Variants in KLF8 observed in about 807,000 individuals in gnomAD.
KLF8 encodes Krueppel-like factor 8.
In KLF8, 10 loss-of-function variants were observed where a neutral mutation model predicts 18.2. The ratio of observed to expected loss-of-function variants is 0.55; its 90% CI spans 0.34 to 0.93. The LOEUF (loss-of-function observed/expected upper bound fraction) is 0.93, where lower values mean the gene tolerates loss of function less well. Ranked by LOEUF, KLF8 falls within the 40% of genes least tolerant of loss-of-function variation. The pLI is 0.02. For synonymous variants in KLF8, 109 were observed against 97.3 expected, an observed-to-expected ratio of 1.12 and a Z score of -0.71; for missense variants, 264 against 277.9, an observed-to-expected ratio of 0.95 and a Z score of 0.36.
chrX:56,167,234 G>T, the KLF8 span, among the ~76,000 whole-genome samples: 1 of 111,387 alleles, frequency 9.0e-6, no homozygotes. Flanking sequence ...GGGTTCAAGC[G>T]ATTCTCCTGC....
the KLF8 span, among the ~76,000 whole-genome samples, chrX:56,076,538 C>T: frequency 9.0e-6 from 1 of 111,053 alleles, no homozygotes; most frequent in Non-Finnish European, 1.9e-5. Context: ...TCCAGTCTAT[C>T]ATTGTTGGAC....
the KLF8 span, among the ~76,000 whole-genome samples, chrX:56,137,262 C>A: frequency 2.8e-5 from 3 of 109,015 alleles, no homozygotes; most frequent in African/African-American, 1.0e-4. Context: ...TGGGTATATA[C>A]CCAAAGGACT....
At chrX:56,217,469 C>T in the KLF8 span, among the ~76,000 whole-genome samples, 34 of 109,885 alleles carry the variant, frequency 3.1e-4, no homozygotes, top group African/African-American at 9.6e-4. Context: ...GGCTGGAGTG[C>T]GGTGGTGCGA....
the KLF8 span, among the ~76,000 whole-genome samples, chrX:56,052,929 C>A: frequency 1.8e-5 from 2 of 111,489 alleles, no homozygotes; most frequent in African/African-American, 6.5e-5. Flanking sequence ...ACTCCGTGGG[C>A]GTAGGACCCT....
chrX:56,174,396 G>A, the KLF8 span, among the ~76,000 whole-genome samples: 45 of 111,762 alleles, frequency 4.0e-4, no homozygotes, highest in African/African-American at 1.4e-3. Flanking sequence ...GTTGGATTAC[G>A]TTTATTAATT....
the KLF8 span, among the ~76,000 whole-genome samples, chrX:56,099,836 G>C: frequency 1.8e-5 from 2 of 111,920 alleles, no homozygotes; most frequent in Non-Finnish European, 3.8e-5. Context: ...GATGGTTCTT[G>C]AGGTTTAAGA....
At chrX:56,282,430 G>T (rs1270118735) in intron 5 of KLF8, among the ~76,000 whole-genome samples, 2 of 112,292 alleles carry the variant, frequency 1.8e-5, no homozygotes, top group Admixed American at 1.9e-4. Context: ...ATATTGAAAT[G>T]ATCAGTAATT....
the KLF8 span, among the ~76,000 whole-genome samples, chrX:55,990,037 A>T: frequency 1.8e-5 from 2 of 110,365 alleles, no homozygotes; most frequent in Admixed American, 9.6e-5. Context: ...TTTCTGTGGG[A>T]TCGGTGGTGA....
chrX:56,165,771 G>T, the KLF8 span, among the ~76,000 whole-genome samples: 1 of 108,819 alleles, frequency 9.2e-6, no homozygotes, highest in Non-Finnish European at 1.9e-5. Flanking sequence ...TGAAGTGGAA[G>T]AACTGCTTCA....
the KLF8 span, among the ~76,000 whole-genome samples, chrX:56,193,144 T>A: frequency 9.0e-6 from 1 of 111,731 alleles, no homozygotes; most frequent in Non-Finnish European, 1.9e-5. Context: ...ATAATCCAAT[T>A]AAAGAAAGAG....
Position 56,285,914 on chromosome X carries a change from A to G in KLF8, c.*1420A>G, listed in dbSNP as rs2067263288. The stretch of plus-strand genomic sequence containing the variant: ...AGCCTCTCTTTAAAAGATTGTCTTT[A>G]TATTGAACACCTTTTTCTTTTCAAC... On this transcript the variant is annotated 3_prime_UTR_variant, in exon 6 of 6. Transcript: ENST00000468660. 9.0e-6 allele frequency: 1 copy of G among 110,703 alleles called. No homozygotes were observed. The highest frequency in any genetic ancestry group is 1.9e-5 in the Non-Finnish European group (1 of 52,971). 9.1% of individuals were successfully genotyped at this position (110,703 alleles called of 1,213,427 possible).
At chrX:56,187,030 C>T in the KLF8 span, among the ~76,000 whole-genome samples, 1 of 111,220 alleles carries the variant, frequency 9.0e-6, no homozygotes. Flanking sequence ...AAAATCACAG[C>T]AGAACTGAAG....
the KLF8 span, among the ~76,000 whole-genome samples, chrX:56,183,068 C>A: frequency 8.9e-6 from 1 of 112,226 alleles, no homozygotes; most frequent in African/African-American, 3.2e-5. Context: ...GCCCCCAGAG[C>A]GGGAGTCTAC....
At chrX:56,076,977 T>C in the KLF8 span, among the ~76,000 whole-genome samples, 2 of 111,961 alleles carry the variant, frequency 1.8e-5, no homozygotes, top group Non-Finnish European at 3.8e-5. Context: ...TGCCCACTTT[T>C]TGACGGGGTT....
At chrX:56,091,154 G>A in the KLF8 span, among the ~76,000 whole-genome samples, 1 of 111,084 alleles carries the variant, frequency 9.0e-6, no homozygotes, top group African/African-American at 3.3e-5. Context: ...GTCGAGGGTG[G>A]GACCTGGTGA....
chrX:56,147,824 C>G, the KLF8 span, among the ~76,000 whole-genome samples: 2 of 111,873 alleles, frequency 1.8e-5, no homozygotes, highest in African/African-American at 6.5e-5. Context: ...ACTAAAAATA[C>G]AAAAATTGAC....
At chrX:56,061,831 G>T in the KLF8 span, among the ~76,000 whole-genome samples, 4 of 110,311 alleles carry the variant, frequency 3.6e-5, no homozygotes, top group African/African-American at 1.3e-4. Context: ...CTTGCTTTAT[G>T]AATCTGGGTG....
At chrX:55,994,953 T>A in the KLF8 span, among the ~76,000 whole-genome samples, 1 of 111,865 alleles carries the variant, frequency 8.9e-6, no homozygotes, top group Non-Finnish European at 1.9e-5. Context: ...TTGAGTTTAT[T>A]TCCTGAATAT....
At chrX:56,054,551 A>G in the KLF8 span, among the ~76,000 whole-genome samples, 2 of 112,050 alleles carry the variant, frequency 1.8e-5, no homozygotes, top group Admixed American at 1.9e-4. Context: ...TATGAGAAGA[A>G]TGTATATATT....
Sources: gnomAD v4.1 joint callset for allele counts (sites outside exome capture counted in the v4.1 genomes callset) on GRCh38, gnomAD v4.1.1 for gene constraint, MANE v1.5 for transcripts, NCBI Gene and HGNC (gene_info 2026-07-23, HGNC 2026-07-21) for gene names.